SLC15A1: variants seen among roughly 807,000 people sequenced by gnomAD.
SLC15A1 encodes Caco-2 oligopeptide transporter.
A neutral mutation model predicts 92.9 loss-of-function variants in SLC15A1; 83 were observed. The ratio of observed to expected loss-of-function variants is 0.89; its 90% confidence interval spans 0.75 to 1.07. The LOEUF (loss-of-function observed/expected upper bound fraction) is 1.07, where lower values mean the gene tolerates loss of function less well. SLC15A1 is among the 50% of genes least tolerant of loss of function. The pLI, the probability that SLC15A1 is intolerant of heterozygous loss-of-function variation, is 0.00. For synonymous variants in SLC15A1, 322 were observed against 318.2 expected (o/e 1.01, Z -0.13); for missense variants, 857 against 880.1 (o/e 0.97, Z 0.33).
intron 18 of SLC15A1, among the ~76,000 whole-genome samples, chr13:98,697,706 T>C (rs1291437267): frequency 6.7e-6 from 1 of 148,940 alleles, no homozygotes; most frequent in Admixed American, 6.9e-5. Flanking sequence ...AGTGTGAGAA[T>C]ATAAAAAGGC....
intron 1 of SLC15A1, among the ~76,000 whole-genome samples, chr13:98,750,625 A>G (rs551706402): frequency 2.6e-5 from 4 of 152,264 alleles, no homozygotes; most frequent in African/African-American, 9.6e-5. Flanking sequence ...CAGAGGCAGG[A>G]GGTACAGGCT....
At chr13:98,729,613 C>T (rs371522595) in intron 1 of SLC15A1, among the ~76,000 whole-genome samples, 24 of 152,340 alleles carry the variant, frequency 1.6e-4, no homozygotes, top group African/African-American at 5.5e-4. Context: ...ATACAGCATG[C>T]GGAAGCCTCC....
intron 1 of SLC15A1, among the ~76,000 whole-genome samples, 166 bp downstream of exon 1, chr13:98,752,429 G>T (rs117164030): frequency 6.6e-6 from 1 of 152,048 alleles, no homozygotes; most frequent in Non-Finnish European, 1.5e-5. Flanking sequence ...TGACCACCCG[G>T]GAGGGGATCC....
At position 98,752,617 on chromosome 13, in the gene SLC15A1, T is replaced by TCC; in HGVS notation, c.-21_-20dup. 1 of 1,252,780 alleles carries TCC rather than the reference T, an allele frequency of 8.0e-7. No individual in the cohort carries two copies. The highest frequency in any genetic ancestry group is 1.0e-6 in the Non-Finnish European group (1 of 998,438). The allele number at this position is 1,252,780 out of a possible 1,614,324, so 77.6% of individuals were successfully genotyped here. ...TACCCATGGCGGCGGCTCCCAGGGC[T>TCC]CCTGCGACCTGCCGGCGGGACGTGC... On this transcript the variant is annotated 5_prime_UTR_variant, in exon 1 of 23. Transcript: ENST00000376503.
chr13:98,748,858 G>A (rs2088517883), intron 1 of SLC15A1, among the ~76,000 whole-genome samples: 1 of 152,202 alleles, frequency 6.6e-6, no homozygotes, highest in Non-Finnish European at 1.5e-5. Context: ...GTGGGAACGT[G>A]GTCAAATGTC....
intron 18 of SLC15A1, among the ~76,000 whole-genome samples, chr13:98,690,050 C>G (rs1370768407): frequency 1.3e-5 from 2 of 152,156 alleles, no homozygotes; most frequent in Non-Finnish European, 2.9e-5. Flanking sequence ...ACCCTAGTGA[C>G]CAGGACGGTG....
chr13:98,688,010 G>T (rs557716602), intron 20 of SLC15A1, among the ~76,000 whole-genome samples: 1 of 152,298 alleles, frequency 6.6e-6, no homozygotes, highest in African/African-American at 2.4e-5. Flanking sequence ...AGTCTAGAAG[G>T]AGGCATCAGA....
intron 15 of SLC15A1, among the ~76,000 whole-genome samples, chr13:98,707,940 G>T (rs1593989687): frequency 3.2e-5 from 4 of 125,374 alleles, no homozygotes; most frequent in South Asian, 2.5e-4. Context: ...TAAATGTTAT[G>T]TTATATATAT....
intron 18 of SLC15A1, among the ~76,000 whole-genome samples, chr13:98,698,846 C>T (rs7992817): frequency 0.63 from 95,040 of 151,956 alleles, 30,028 homozygotes; most frequent in Admixed American, 0.66. Context: ...GTTTTATTGC[C>T]AACTAGTAAA....
chr13:98,731,114 G>A (rs2088347133), intron 1 of SLC15A1, among the ~76,000 whole-genome samples: 2 of 152,098 alleles, frequency 1.3e-5, no homozygotes, highest in Non-Finnish European at 2.9e-5. Context: ...GCAGGCCAGG[G>A]GGCAACAGGG....
At chr13:98,696,783 C>A (rs547953550) in intron 18 of SLC15A1, among the ~76,000 whole-genome samples, 2 of 152,230 alleles carry the variant, frequency 1.3e-5, no homozygotes, top group South Asian at 4.2e-4. Flanking sequence ...GAACTCTAAT[C>A]CCCAGTACCT....
chr13:98,734,527 C>T (rs2088375021), intron 1 of SLC15A1, among the ~76,000 whole-genome samples: 1 of 152,124 alleles, frequency 6.6e-6, no homozygotes, highest in Non-Finnish European at 1.5e-5. Flanking sequence ...ATTTCCCTTT[C>T]CTAGCCAAGG....
intron 15 of SLC15A1, among the ~76,000 whole-genome samples, chr13:98,707,725 T>C (rs1756989): frequency 0.71 from 107,183 of 151,554 alleles, 38,938 homozygotes; most frequent in African/African-American, 0.87. Context: ...GACCCTGGCT[T>C]TACAAAAAAA....
chr13:98,733,238 G>A (rs1418246877), intron 1 of SLC15A1, among the ~76,000 whole-genome samples: 1 of 152,172 alleles, frequency 6.6e-6, no homozygotes, highest in East Asian at 1.9e-4. Flanking sequence ...AGACACCTGT[G>A]TGAAGCCACT....
At chr13:98,697,787 G>T (rs17701332) in intron 18 of SLC15A1, among the ~76,000 whole-genome samples, 1 of 152,042 alleles carries the variant, frequency 6.6e-6, no homozygotes, top group Non-Finnish European at 1.5e-5. Context: ...ATACGCTGCC[G>T]CAAAAGTAGA....
chr13:98,718,724 G>A (rs1395076645), intron 8 of SLC15A1, among the ~76,000 whole-genome samples: 3 of 152,144 alleles, frequency 2.0e-5, no homozygotes, highest in Non-Finnish European at 2.9e-5. Flanking sequence ...CAGGAGAATC[G>A]CTTGAACCCA....
At chr13:98,694,816 G>A (rs1380942129) in intron 18 of SLC15A1, among the ~76,000 whole-genome samples, 1 of 152,106 alleles carries the variant, frequency 6.6e-6, no homozygotes, top group Non-Finnish European at 1.5e-5. Context: ...CACGAGATCA[G>A]GAGATTGAGA....
Position 98,716,028 on chromosome 13 carries a change from C to G in SLC15A1, c.641-68G>C. 3.9e-6 allele frequency: 5 copies of G among 1,271,414 alleles called. No homozygotes were observed. In the South Asian group the frequency reaches 6.0e-5, roughly 15 times the overall value. 78.8% of individuals were successfully genotyped at this position (1,271,414 alleles called of 1,614,324 possible). A position where few individuals can be genotyped will look rare whatever the true frequency, so the allele number is the denominator to read the frequency against. The stretch of plus-strand genomic sequence containing the variant: ...GAGCGCCCTGTGGCCTAGAGAGATG[C>G]GCCTTTATTTGAATTATAACTTTGT... On this transcript the variant is annotated intron_variant, in intron 8 of 22. Coordinates refer to ENST00000376503, the MANE Select transcript of SLC15A1 (RefSeq NM_005073.4).
At chr13:98,738,040 A>C (rs1192419248) in intron 1 of SLC15A1, among the ~76,000 whole-genome samples, 1 of 152,174 alleles carries the variant, frequency 6.6e-6, no homozygotes, top group East Asian at 1.9e-4. Flanking sequence ...ATGCCCTAGG[A>C]ATTTGTGGAA....
Sources: allele counts gnomAD v4.1 joint callset (sites outside exome capture counted in the v4.1 genomes callset), GRCh38; gene constraint gnomAD v4.1.1; transcripts MANE v1.5; gene names NCBI Gene and HGNC (gene_info 2026-07-23, HGNC 2026-07-21).